NRN1: variants seen among roughly 807,000 people sequenced by gnomAD.
NRN1 encodes the protein neuritin.
NRN1 carries 4 observed loss-of-function variants against 15.0 expected under a neutral mutation model. The observed-to-expected ratio is 0.27, with a 90% CI of 0.13 to 0.61. The LOEUF (loss-of-function observed/expected upper bound fraction) is 0.61. Ranked by LOEUF, NRN1 falls within the 20% of genes least tolerant of loss-of-function variation. The pLI, the probability that NRN1 is intolerant of heterozygous loss-of-function variation, is 0.87. For synonymous variants in NRN1, 85 were observed against 79.8 expected, an observed-to-expected ratio of 1.07 and a Z score of -0.35; for missense variants, 134 against 181.9, an observed-to-expected ratio of 0.74 and a Z score of 1.51.
chr6:6,006,527 C>T (rs1758113557), intron 1 of NRN1, among the ~76,000 whole-genome samples, 168 bp downstream of exon 1: 4 of 152,208 alleles, frequency 2.6e-5, no homozygotes. Flanking sequence ...TAGGAAAAAC[C>T]GATCTGGGAC....
Position 6,006,868 on chromosome 6 carries a change from G to T in NRN1, c.-119C>A. The T allele has an allele frequency of 1.3e-6, 1 of 761,464 alleles. No homozygotes were observed. The allele number at this position is 761,464 out of a possible 1,614,324, so 47.2% of individuals were successfully genotyped here. A position where few individuals can be genotyped will look rare whatever the true frequency, so the allele number is the denominator to read the frequency against. On this transcript the variant is annotated 5_prime_UTR_variant, in exon 1 of 3. Coordinates refer to ENST00000244766, the MANE Select transcript of NRN1 (RefSeq NM_016588.3). ...GTTCCGGGAGCGACAGAGACTTTAT[G>T]CACTGGGAAGGCAGAGGGAGGAGAG...
intron 1 of NRN1, chr6:6,003,979 C>G (rs1758039489): frequency 1.6e-6 from 2 of 1,220,278 alleles, no homozygotes; most frequent in Non-Finnish European, 2.0e-6. Flanking sequence ...TCCCCCGGCC[C>G]CCAACGCGGG....
chr6:6,006,962 AG>A (rs11285278), upstream of NRN1: 102,519 of 151,222 alleles, frequency 0.68, 29,997 homozygotes, highest in East Asian at 0.78. Context: ...AGAGAGGCTG[AG>A]GGGGGGGGGA....
upstream of NRN1, among the ~76,000 whole-genome samples, chr6:6,007,298 G>A (rs1469086783): frequency 6.6e-6 from 1 of 151,728 alleles, no homozygotes; most frequent in Non-Finnish European, 1.5e-5. Flanking sequence ...CCCGCCAGGA[G>A]CTGGGGAGTC....
At chr6:6,004,927 C>T (rs1219653410) in intron 1 of NRN1, among the ~76,000 whole-genome samples, 2 of 152,070 alleles carry the variant, frequency 1.3e-5, no homozygotes, top group Non-Finnish European at 2.9e-5. Flanking sequence ...CCGCCCCTCC[C>T]AACCCCCACT....
At chr6:6,002,263 A>G (rs1757969145) in intron 2 of NRN1, 90 bp downstream of exon 2, 1 of 1,502,242 alleles carries the variant, frequency 6.7e-7, no homozygotes, top group Non-Finnish European at 9.2e-7. Flanking sequence ...GCTGGCGCTG[A>G]ACGCTGAGCG....
rs561788630 is a variant in NRN1, at chr6:6,002,862, C to T, written c.56-365G>A. On this transcript the variant is annotated intron_variant, in intron 1 of 2. Transcript: ENST00000244766. ...CTTTTATTTCTCTTTCTCCTCGCTC[C>T]CTCCTTCGTCTCCCAACACTTCCCC... 1.6e-5 allele frequency: 6 copies of T among 381,510 alleles called. No homozygotes were observed. In the South Asian group the frequency reaches 4.1e-4, roughly 26 times the overall value. 23.6% of individuals were successfully genotyped at this position (381,510 alleles called of 1,614,324 possible). A position where few individuals can be genotyped will look rare whatever the true frequency, so the allele number is the denominator to read the frequency against.
chr6:6,000,426 G>C (rs1757910565), intron 2 of NRN1, among the ~76,000 whole-genome samples: 1 of 152,154 alleles, frequency 6.6e-6, no homozygotes, highest in African/African-American at 2.4e-5. Context: ...GCGCCTCTCT[G>C]TAACTCCGGG....
rs374558060 is a variant in NRN1, at chr6:6,005,614, C to G, written c.55+1081G>C. Among the ~76,000 whole-genome samples, 17 of 152,320 alleles carry G rather than the reference C, an allele frequency of 1.1e-4. No homozygotes were observed. In the East Asian group the frequency reaches 3.3e-3, roughly 29 times the overall value. ...CCCCAAACCAATTACCTAAAGCACC[C>G]CCTCCCCCAATACTGCAAGGATTTG... is the stretch of plus-strand genomic sequence containing the variant. On this transcript the variant is annotated intron_variant, in intron 1 of 2. Transcript: ENST00000244766.
At chr6:6,004,136 A>G in intron 1 of NRN1, 1 of 733,948 alleles carries the variant, frequency 1.4e-6, no homozygotes, top group Non-Finnish European at 1.7e-6. Context: ...AGCACTGGGG[A>G]AGGGACCGAG....
chr6:6,003,845 G>A, intron 1 of NRN1: 1 of 1,233,264 alleles, frequency 8.1e-7, no homozygotes, highest in South Asian at 4.1e-5. Context: ...GGGGAAGAAA[G>A]GGTGAATCTC....
intron 2 of NRN1, 28 bp from the exon 3 acceptor site, chr6:5,999,232 A>G: frequency 6.3e-7 from 1 of 1,580,148 alleles, no homozygotes. Context: ...AAAACAGAAC[A>G]AGCAGGTTCA....
chr6:5,999,028 G>A lies in NRN1; in HGVS notation c.377C>T (p.Pro126Leu). 1.2e-6 allele frequency: 2 copies of A among 1,613,532 alleles called. No homozygotes were observed. The highest frequency in any genetic ancestry group is 1.7e-6 in the Non-Finnish European group (2 of 1,179,814). ...TGCCGAGAGAGACACCAGGAGCACCGGGAACGCCGGGAGCAGGGACCCCGC... is the reference window on the plus strand; with the variant it reads ...TGCCGAGAGAGACACCAGGAGCACCAGGAACGCCGGGAGCAGGGACCCCGC... ...GAAGSLLPAF[P>L]VLLVSLSAAL... is the part of the protein sequence containing the mutation. Residue 126 changes from proline to leucine, a missense_variant, in exon 3 of 3, where the codon CCG (proline) becomes CTG (leucine). Physicochemically the swap from Pro to Leu is moderately conservative, Grantham distance 98. Transcript: ENST00000244766.
chr6:6,006,933 G>T, upstream of NRN1: 1 of 253,204 alleles, frequency 3.9e-6, no homozygotes, highest in Non-Finnish European at 7.4e-6. Context: ...GAGAGAGAGA[G>T]AGAGAAAGAG....
upstream of NRN1, chr6:6,006,978 T>G (rs1469538150): frequency 1.9e-4 from 52 of 275,656 alleles, no homozygotes; most frequent in African/African-American, 3.6e-4. Flanking sequence ...GGGGGAGAGC[T>G]GGGAATGGTT....
At position 6,006,921 on chromosome 6, in the gene NRN1, A is replaced by AAGAGAGAGAGAG. The variant is rs1225174993; in HGVS notation, c.-173_-172insCTCTCTCTCTCT. The AAGAGAGAGAGAG allele has an allele frequency of 2.9e-6, 1 of 346,610 alleles. No individual in the cohort carries two copies. The highest frequency in any genetic ancestry group is 3.7e-5 in the Admixed American group (1 of 27,298). The allele number at this position is 346,610 out of a possible 1,614,324, so 21.5% of individuals were successfully genotyped here. ...AGAGAGGGAGCGAGGAAGAGACAGAAAGAGAGAGAGAGAGAGAAAGAGAGA... is the reference window on the plus strand; with the variant it reads ...AGAGAGGGAGCGAGGAAGAGACAGAAAGAGAGAGAGAGAGAGAGAGAGAGAGAGAAAGAGAGA... On this transcript the variant is annotated 5_prime_UTR_variant, in exon 1 of 3. Coordinates refer to ENST00000244766, the MANE Select transcript of NRN1 (RefSeq NM_016588.3).
rs1048560980 is a variant in NRN1, at chr6:6,003,968, A to G, written c.56-1471T>C. ...TGTCCCGGGAGGACCGGACACCTCA[A>G]TCCCCCGGCCCCCAACGCGGGCGCC... is the stretch of plus-strand genomic sequence containing the variant. On this transcript the variant is annotated intron_variant, in intron 1 of 2. Coordinates refer to ENST00000244766, the MANE Select transcript of NRN1 (RefSeq NM_016588.3). The G allele has an allele frequency of 7.4e-6, 9 of 1,220,092 alleles. No individual in the cohort carries two copies. In the South Asian group the frequency reaches 3.8e-4, roughly 52 times the overall value. 75.6% of individuals were successfully genotyped at this position (1,220,092 alleles called of 1,614,324 possible).
At chr6:5,999,545 G>A (rs1265060748) in intron 2 of NRN1, among the ~76,000 whole-genome samples, 1 of 152,240 alleles carries the variant, frequency 6.6e-6, no homozygotes, top group East Asian at 1.9e-4. Context: ...CAGATTGCTC[G>A]CCCTCCTCGG....
intron 1 of NRN1, 130 bp from the exon 2 acceptor site, chr6:6,002,627 G>A: frequency 8.1e-7 from 1 of 1,229,362 alleles, no homozygotes; most frequent in Non-Finnish European, 1.1e-6. Flanking sequence ...CCCAGCCTCG[G>A]GGCTCGCCAG....
Sources: allele counts gnomAD v4.1 joint callset (sites outside exome capture counted in the v4.1 genomes callset), GRCh38; gene constraint gnomAD v4.1.1; transcripts MANE v1.5; gene names NCBI Gene and HGNC (gene_info 2026-07-23, HGNC 2026-07-21).